Variants in L3MBTL4 observed in about 807,000 individuals in gnomAD.
L3MBTL4 encodes the protein L3MBTL histone methyl-lysine binding protein 4.
Under a neutral mutation model 84.5 loss-of-function variants are expected in L3MBTL4, and 70 were observed. The observed-to-expected ratio is 0.83, with a 90% CI of 0.68 to 1.01. The LOEUF (loss-of-function observed/expected upper bound fraction) is 1.01. Ranked by LOEUF, L3MBTL4 falls within the 50% of genes least tolerant of loss-of-function variation. The pLI, the probability that L3MBTL4 is intolerant of heterozygous loss-of-function variation, is 0.00. For missense variants in L3MBTL4, 715 were observed against 754.8 expected (o/e 0.95, Z 0.62); for synonymous variants, 274 against 259.8 (o/e 1.05, Z -0.52).
At chr18:5,963,580 C>T (rs1226063164) in intron 17 of L3MBTL4, among the ~76,000 whole-genome samples, 2 of 152,190 alleles carry the variant, frequency 1.3e-5, no homozygotes, top group Admixed American at 1.3e-4. Flanking sequence ...TTTGATTCGG[C>T]CTATCTGTCT....
At chr18:6,320,814 G>A (rs543387427) in intron 1 of L3MBTL4, among the ~76,000 whole-genome samples, 1 of 152,138 alleles carries the variant, frequency 6.6e-6, no homozygotes, top group South Asian at 2.1e-4. Flanking sequence ...AATAAATCCA[G>A]AGGTATCACA....
intron 1 of L3MBTL4, among the ~76,000 whole-genome samples, chr18:6,360,029 A>G (rs772919928): frequency 5.3e-5 from 8 of 152,204 alleles, no homozygotes; most frequent in Non-Finnish European, 8.8e-5. Flanking sequence ...TCTCTGTTTC[A>G]TGAATACAGT....
At chr18:6,389,702 A>C (rs1214383332) in intron 1 of L3MBTL4, among the ~76,000 whole-genome samples, 1 of 152,180 alleles carries the variant, frequency 6.6e-6, no homozygotes, top group Non-Finnish European at 1.5e-5. Flanking sequence ...TAAAAAAGAC[A>C]AAGAGGGACA....
intron 16 of L3MBTL4, among the ~76,000 whole-genome samples, chr18:6,001,527 T>C (rs1489603647): frequency 6.6e-6 from 1 of 152,068 alleles, no homozygotes; most frequent in Non-Finnish European, 1.5e-5. Context: ...GGGAATCTGA[T>C]TAATAGAGAT....
chr18:6,226,154 C>T (rs968503499), intron 10 of L3MBTL4, among the ~76,000 whole-genome samples: 27 of 152,264 alleles, frequency 1.8e-4, no homozygotes, highest in African/African-American at 6.5e-4. Flanking sequence ...ATGCTGTAAT[C>T]CCAACACTTT....
At chr18:6,374,732 C>T (rs1336276769) in intron 1 of L3MBTL4, among the ~76,000 whole-genome samples, 10 of 152,034 alleles carry the variant, frequency 6.6e-5, no homozygotes, top group African/African-American at 1.9e-4. Flanking sequence ...AGTCACGCCC[C>T]GCCTCTCCTC....
At chr18:6,107,856 T>C (rs1202536507) in intron 14 of L3MBTL4, among the ~76,000 whole-genome samples, 1 of 152,146 alleles carries the variant, frequency 6.6e-6, no homozygotes, top group Non-Finnish European at 1.5e-5. Context: ...GCACATTTCG[T>C]GTATCTATTT....
intron 17 of L3MBTL4, chr18:5,960,910 T>G (rs991189659): frequency 2.6e-5 from 4 of 152,084 alleles, no homozygotes; most frequent in Non-Finnish European, 5.9e-5. Flanking sequence ...GTGTTCCTAA[T>G]AGATACCTTT....
At chr18:6,247,846 A>T (rs886105357) in intron 5 of L3MBTL4, among the ~76,000 whole-genome samples, 4 of 151,654 alleles carry the variant, frequency 2.6e-5, no homozygotes, top group Admixed American at 1.3e-4. Context: ...GATTTGATTC[A>T]GGTGGTATAT....
At chr18:6,280,845 A>G (rs2049291191) in intron 4 of L3MBTL4, among the ~76,000 whole-genome samples, 1 of 152,160 alleles carries the variant, frequency 6.6e-6, no homozygotes, top group South Asian at 2.1e-4. Flanking sequence ...GGAAGGGGCC[A>G]TGAGCCAAGG....
intron 16 of L3MBTL4, among the ~76,000 whole-genome samples, chr18:6,077,402 T>G (rs1284159328): frequency 5.9e-5 from 9 of 152,216 alleles, no homozygotes; most frequent in Admixed American, 5.9e-4. Flanking sequence ...TTGTTATATA[T>G]GTTTATCCAA....
intron 16 of L3MBTL4, among the ~76,000 whole-genome samples, chr18:5,973,518 C>T (rs537187735): frequency 1.1e-3 from 163 of 150,190 alleles, no homozygotes; most frequent in African/African-American, 4.0e-3. Context: ...TTGTAATATG[C>T]GAATATACTG....
chr18:6,219,487 G>T (rs1215306197), intron 10 of L3MBTL4, among the ~76,000 whole-genome samples: 1 of 140,668 alleles, frequency 7.1e-6, no homozygotes, highest in Non-Finnish European at 1.6e-5. Flanking sequence ...CCACAGCTTG[G>T]ACCTCATTCT....
At chr18:6,029,548 G>A (rs539272361) in intron 16 of L3MBTL4, 182 of 985,204 alleles carry the variant, frequency 1.8e-4, no homozygotes, top group South Asian at 7.5e-4. Context: ...GAAGAAATAC[G>A]TCCATTTATT....
At chr18:6,254,974 A>G (rs1252306703) in intron 5 of L3MBTL4, among the ~76,000 whole-genome samples, 1 of 152,224 alleles carries the variant, frequency 6.6e-6, no homozygotes. Context: ...CACCATTCAT[A>G]ATACAGGACT....
intron 13 of L3MBTL4, among the ~76,000 whole-genome samples, chr18:6,165,516 G>A (rs1322831505): frequency 6.6e-6 from 1 of 151,540 alleles, no homozygotes; most frequent in African/African-American, 2.4e-5. Flanking sequence ...AAGAGAGTGG[G>A]GGCCAATATT....
At chr18:6,388,665 T>C (rs1278882689) in intron 1 of L3MBTL4, among the ~76,000 whole-genome samples, 1 of 152,200 alleles carries the variant, frequency 6.6e-6, no homozygotes, top group Non-Finnish European at 1.5e-5. Flanking sequence ...AGCAATATTG[T>C]ATATATGGGT....
At chr18:6,198,242 A>G in intron 12 of L3MBTL4, among the ~76,000 whole-genome samples, 1 of 152,170 alleles carries the variant, frequency 6.6e-6, no homozygotes, top group South Asian at 2.1e-4. Flanking sequence ...ACTCACTCTC[A>G]ACAGTAGTGA....
intron 1 of L3MBTL4, among the ~76,000 whole-genome samples, chr18:6,362,421 T>C (rs2053748832): frequency 6.6e-6 from 1 of 152,212 alleles, no homozygotes; most frequent in African/African-American, 2.4e-5. Context: ...TTTTGTCTGC[T>C]CAGCAGCCCT....
Sources: allele counts gnomAD v4.1 joint callset (sites outside exome capture counted in the v4.1 genomes callset), GRCh38; gene constraint gnomAD v4.1.1; transcripts MANE v1.5; gene names NCBI Gene and HGNC (gene_info 2026-07-23, HGNC 2026-07-21).